MEIG1: variants seen among roughly 807,000 people sequenced by gnomAD.
MEIG1 encodes meiosis/spermiogenesis associated 1.
MEIG1 carries 12 observed loss-of-function variants against 11.3 expected under a neutral mutation model. The ratio of observed to expected loss-of-function variants is 1.07; its 90% CI spans 0.68 to 1.73. The LOEUF (loss-of-function observed/expected upper bound fraction) is 1.73. Among genes scored for constraint, MEIG1 ranks in the 40% most tolerant of loss-of-function variants. MEIG1 has a pLI of 0.00. For synonymous variants in MEIG1, 41 were observed against 33.2 expected, an observed-to-expected ratio of 1.24 and a Z score of -0.81; for missense variants, 119 against 104.9, an observed-to-expected ratio of 1.13 and a Z score of -0.59.
downstream of MEIG1, among the ~76,000 whole-genome samples, chr10:14,974,576 T>C (rs1257946303): frequency 6.6e-6 from 1 of 152,088 alleles, no homozygotes; most frequent in African/African-American, 2.4e-5. Context: ...AGGGGTGGAA[T>C]GGCACAATGT....
At chr10:14,982,775 G>T (rs1191780863) in intron 1 of MEIG1, among the ~76,000 whole-genome samples, 1 of 151,874 alleles carries the variant, frequency 6.6e-6, no homozygotes, top group Admixed American at 6.6e-5. Context: ...ATTAACAACT[G>T]ATCATATAAT....
At chr10:14,968,386 G>C (rs1253925499) in intron 2 of MEIG1, among the ~76,000 whole-genome samples, 1 of 152,140 alleles carries the variant, frequency 6.6e-6, no homozygotes, top group African/African-American at 2.4e-5. Context: ...TACTTGGGAG[G>C]CTGAGGCAGG....
intron 2 of MEIG1, 131 bp from the exon 3 acceptor site, chr10:14,972,382 G>A: frequency 8.4e-7 from 1 of 1,194,178 alleles, no homozygotes; most frequent in Non-Finnish European, 1.2e-6. Flanking sequence ...TACTTTAAAA[G>A]CTCAAGCATT....
At chr10:14,986,723 C>G (rs530058201) in intron 1 of MEIG1, 16 of 308,994 alleles carry the variant, frequency 5.2e-5, no homozygotes, top group Middle Eastern at 1.2e-3. Flanking sequence ...GCTTCTTGGG[C>G]CTCGGCCCTG....
intron 1 of MEIG1, among the ~76,000 whole-genome samples, chr10:14,963,626 A>T (rs371209914): frequency 1.4e-5 from 2 of 147,130 alleles, no homozygotes; most frequent in African/African-American, 4.9e-5. Context: ...AGCGTGGCTT[A>T]TTTGTTTTGC....
intron 1 of MEIG1, among the ~76,000 whole-genome samples, chr10:14,983,656 GAGA>G (rs1307906239): frequency 3.9e-5 from 6 of 151,928 alleles, no homozygotes; most frequent in South Asian, 2.1e-4. Flanking sequence ...TCCAGAAGAA[GAGA>G]AGATGATACC....
rs192911060 is a variant in MEIG1 at position 14,960,841 on chromosome 10, A to T, written c.-30+1284A>T. 1.7e-3 allele frequency among the ~76,000 whole-genome samples: 266 copies of T among 152,118 alleles called. 1 individual carries two copies. In the Middle Eastern group the frequency reaches 0.024, roughly 14 times the overall value. ...CGGGAATTCGAGACCAGCCTGACCA[A>T]CATGGGAAAACCTCGTCTCTACTAA... On this transcript the variant is annotated intron_variant, in intron 1 of 2. Transcript: ENST00000407572.
Position 14,972,611 on chromosome 10 carries a change from A to G in MEIG1, c.237A>G (p.Glu79=). The G allele has an allele frequency of 6.2e-7, 1 of 1,612,062 alleles. No individual in the cohort carries two copies. The highest frequency in any genetic ancestry group is 2.2e-5 in the East Asian group (1 of 44,850). Residue 79 remains glutamate, a synonymous_variant, in exon 3 of 3, where the codon GAA becomes GAG. Transcript: ENST00000407572. The part of the protein sequence containing the change: ...YNKQRECDDK[E]VHKVKIYAY Reference sequence around the variant, plus strand: ...AACAGAGGGAATGTGATGACAAAGAAGTCCACAAAGTGAAAATTTATGCTT... The same window carrying G: ...AACAGAGGGAATGTGATGACAAAGAGGTCCACAAAGTGAAAATTTATGCTT...
At chr10:14,978,702 T>C (rs1189404006) in intron 1 of MEIG1, among the ~76,000 whole-genome samples, 1 of 151,982 alleles carries the variant, frequency 6.6e-6, no homozygotes, top group African/African-American at 2.4e-5. Flanking sequence ...CTTGTTATAT[T>C]AGCCGTGATA....
chr10:14,974,238 G>C (rs1473694053), downstream of MEIG1, among the ~76,000 whole-genome samples: 1 of 152,054 alleles, frequency 6.6e-6, no homozygotes, highest in Non-Finnish European at 1.5e-5. Flanking sequence ...CAATCAGCTG[G>C]TGCATATTCC....
chr10:14,975,302 G>T (rs142247130), downstream of MEIG1, among the ~76,000 whole-genome samples: 2,904 of 152,230 alleles, frequency 0.019, 96 homozygotes, highest in African/African-American at 0.065. Context: ...TAGCCAGGAA[G>T]GGAGAGGACG....
At chr10:14,955,418 A>G (rs937888563), upstream of MEIG1, among the ~76,000 whole-genome samples, 1 of 152,182 alleles carries the variant, frequency 6.6e-6, no homozygotes, top group Admixed American at 6.5e-5. Context: ...TCAGAATGCC[A>G]TCCCAGCCCA....
chr10:14,958,793 G>A (rs1025819219), upstream of MEIG1, among the ~76,000 whole-genome samples: 1 of 152,134 alleles, frequency 6.6e-6, no homozygotes, highest in Admixed American at 6.5e-5. Context: ...CTACTCGGGA[G>A]GCTGAGGCAG....
At chr10:14,958,903 A>AT (rs1183920523), upstream of MEIG1, among the ~76,000 whole-genome samples, 1 of 152,150 alleles carries the variant, frequency 6.6e-6, no homozygotes, top group Non-Finnish European at 1.5e-5. Context: ...CTAAAAAAAA[A>AT]CAAAAACAAA....
chr10:14,987,970 T>G (rs1305056397), exon 3 of MEIG1: 1 of 152,758 alleles, frequency 6.5e-6, no homozygotes, highest in Non-Finnish European at 1.5e-5. Context: ...CCTTTTCACA[T>G]ACCTGTTACT....
At chr10:14,969,185 G>A (rs114688534) in intron 2 of MEIG1, among the ~76,000 whole-genome samples, 2 of 152,226 alleles carry the variant, frequency 1.3e-5, no homozygotes, top group Non-Finnish European at 2.9e-5. Context: ...GGTGGCTTAC[G>A]CCTCTAAGCC....
chr10:14,980,911 A>G (rs1427546169), intron 1 of MEIG1, among the ~76,000 whole-genome samples: 6 of 152,178 alleles, frequency 3.9e-5, no homozygotes, highest in African/African-American at 1.4e-4. Context: ...AGCAACCCCA[A>G]CAATGTGGAC....
intron 2 of MEIG1, among the ~76,000 whole-genome samples, chr10:14,969,485 G>T (rs998719126): frequency 2.6e-5 from 4 of 151,420 alleles, no homozygotes; most frequent in Non-Finnish European, 5.9e-5. Context: ...AGAAAAGAAA[G>T]TTGTCACAAG....
chr10:14,972,011 G>T (rs2131274146), intron 2 of MEIG1, among the ~76,000 whole-genome samples: 1 of 151,178 alleles, frequency 6.6e-6, no homozygotes, highest in Middle Eastern at 3.4e-3. Flanking sequence ...CACTGAATTA[G>T]TTGTCTTTTT....
Sources: gnomAD v4.1 joint callset for allele counts (sites outside exome capture counted in the v4.1 genomes callset) on GRCh38, gnomAD v4.1.1 for gene constraint, MANE v1.5 for transcripts, NCBI Gene and HGNC (gene_info 2026-07-23, HGNC 2026-07-21) for gene names.